TACC1: variants seen among roughly 807,000 people sequenced by gnomAD.
TACC1 encodes transforming acidic coiled-coil containing protein 1, also known as transforming acidic coiled-coil-containing protein 1.
In TACC1, 48 loss-of-function variants were observed where a neutral mutation model predicts 84.4. The observed-to-expected ratio is 0.57, with a 90% CI of 0.45 to 0.72. The LOEUF is 0.72. TACC1 is among the 30% of genes least tolerant of loss of function. TACC1 has a pLI of 0.00. For missense variants in TACC1, 920 were observed against 973.0 expected, an observed-to-expected ratio of 0.95 and a Z score of 0.72; for synonymous variants, 372 against 376.3, an observed-to-expected ratio of 0.99 and a Z score of 0.13.
chr8:38,844,078 C>T (rs974317208), intron 11 of TACC1, among the ~76,000 whole-genome samples: 4 of 152,168 alleles, frequency 2.6e-5, no homozygotes, highest in Admixed American at 1.3e-4. Flanking sequence ...AATAGGTCAA[C>T]GTTTTTATTT....
intron 5 of TACC1, among the ~76,000 whole-genome samples, chr8:38,829,981 T>C (rs1237993583): frequency 6.6e-6 from 1 of 152,044 alleles, no homozygotes; most frequent in Non-Finnish European, 1.5e-5. Flanking sequence ...CACACAGCCA[T>C]GGGAAGAAAG....
chr8:38,823,237 GT>G (rs1827270749), intron 3 of TACC1, among the ~76,000 whole-genome samples: 2 of 152,178 alleles, frequency 1.3e-5, no homozygotes, highest in Non-Finnish European at 2.9e-5. Context: ...GGAGTGAAAT[GT>G]CATTAGTAGC....
chr8:38,809,784 A>G (rs546731882), intron 2 of TACC1, among the ~76,000 whole-genome samples: 1 of 152,272 alleles, frequency 6.6e-6, no homozygotes, highest in African/African-American at 2.4e-5. Context: ...GAAGGAGGGG[A>G]AAAGGGCTTC....
rs12548912 is a variant in TACC1, at chr8:38,777,516, T to C, written c.27-11188T>C. ...TGGCCCAGGGGCCAGGCACAATAGC[T>C]CATGTCTATAATCCCACTGCTTCTG... is the stretch of plus-strand genomic sequence containing the variant. On this transcript the variant is annotated intron_variant, in intron 3 of 14. Transcript: ENST00000518415. 6.7e-3 allele frequency among the ~76,000 whole-genome samples: 1,021 copies of C among 152,224 alleles called. 41 individuals carry two copies. The highest frequency in any genetic ancestry group is 0.056 in the Admixed American group (854 of 15,288).
intron 3 of TACC1, among the ~76,000 whole-genome samples, chr8:38,760,860 A>G (rs563451365): frequency 1.0e-3 from 158 of 152,308 alleles, no homozygotes; most frequent in African/African-American, 3.5e-3. Flanking sequence ...TTAGTAACAC[A>G]ATGGCCAGCA....
At chr8:38,808,043 G>T (rs1823172223) in intron 2 of TACC1, among the ~76,000 whole-genome samples, 1 of 152,174 alleles carries the variant, frequency 6.6e-6, no homozygotes, top group African/African-American at 2.4e-5. Flanking sequence ...GGAAATTTTG[G>T]TCTATTTGTG....
chr8:38,787,087 A>C, upstream of TACC1: 1 of 959,656 alleles, frequency 1.0e-6, no homozygotes, highest in Non-Finnish European at 1.2e-6. Flanking sequence ...ACGCCGCGGT[A>C]GGGGGATCCG....
intron 2 of TACC1, chr8:38,744,187 G>A (rs1019099005): frequency 6.6e-6 from 1 of 152,130 alleles, no homozygotes; most frequent in African/African-American, 2.4e-5. Flanking sequence ...CAGCCAGCAG[G>A]GAAAAGAAAA....
intron 1 of TACC1, among the ~76,000 whole-genome samples, chr8:38,741,071 T>C (rs2151673950): frequency 6.6e-6 from 1 of 152,340 alleles, no homozygotes; most frequent in Middle Eastern, 3.4e-3. Flanking sequence ...CTTTGAATGT[T>C]TGCTTCTGTT....
At chr8:38,811,029 G>A (rs940531631) in intron 2 of TACC1, among the ~76,000 whole-genome samples, 1 of 152,006 alleles carries the variant, frequency 6.6e-6, no homozygotes, top group Non-Finnish European at 1.5e-5. Context: ...GAGGAGGGAG[G>A]AAAAGTTGAG....
At chr8:38,768,024 T>C (rs1812585363) in intron 3 of TACC1, among the ~76,000 whole-genome samples, 1 of 148,952 alleles carries the variant, frequency 6.7e-6, no homozygotes, top group African/African-American at 2.5e-5. Flanking sequence ...GATGAGATTG[T>C]GCCACTGCAC....
chr8:38,806,255 G>A (rs2152101980), intron 2 of TACC1, among the ~76,000 whole-genome samples: 1 of 152,296 alleles, frequency 6.6e-6, no homozygotes, highest in South Asian at 2.1e-4. Context: ...CCTGCTCTCA[G>A]TGGTGTGACA....
Position 38,787,313 on chromosome 8 carries a change from G to A in TACC1, c.-270G>A. 1 of 1,231,542 alleles carries A rather than the reference G, an allele frequency of 8.1e-7. No homozygotes were observed. The highest frequency in any genetic ancestry group is 4.6e-5 in the Admixed American group (1 of 21,614). 76.3% of individuals were successfully genotyped at this position (1,231,542 alleles called of 1,614,324 possible). A position where few individuals can be genotyped will look rare whatever the true frequency, so the allele number is the denominator to read the frequency against. ...GGGCCGGGGGCCTGAGGAGGCCACAGGACGGGCGTCTTCCCGGCTAGTGGA... is the reference window on the plus strand; with the variant it reads ...GGGCCGGGGGCCTGAGGAGGCCACAAGACGGGCGTCTTCCCGGCTAGTGGA... On this transcript the variant is annotated 5_prime_UTR_variant, in exon 1 of 13. Coordinates refer to ENST00000317827, the MANE Select transcript of TACC1 (RefSeq NM_006283.3).
rs572909484 is a variant in TACC1, at chr8:38,777,452, C to T, written c.27-11252C>T. Among the ~76,000 whole-genome samples the T allele has an allele frequency of 4.6e-5, 7 of 152,154 alleles. No homozygotes were observed. The East Asian group carries it at 7.7e-4, about 17-fold the overall frequency. ...GACACGCAGTTCACAACTTTTCGGC[C>T]GGGAGAGGCTGGACATGCAGTTTTC... On this transcript the variant is annotated intron_variant, in intron 3 of 14. Transcript: ENST00000518415.
At chr8:38,728,984 C>CCTTTT (rs549760217) in intron 1 of TACC1, among the ~76,000 whole-genome samples, 2 of 152,134 alleles carry the variant, frequency 1.3e-5, no homozygotes, top group Non-Finnish European at 1.5e-5. Flanking sequence ...TTTTCTCTTT[C>CCTTTT]CTTTTCTTTT....
At chr8:38,780,154 A>T (rs1815640881) in intron 3 of TACC1, among the ~76,000 whole-genome samples, 1 of 152,140 alleles carries the variant, frequency 6.6e-6, no homozygotes, top group Non-Finnish European at 1.5e-5. Flanking sequence ...CTTCCTACAG[A>T]GCTCTGATAG....
chr8:38,759,673 A>G (rs1033369445), intron 3 of TACC1, among the ~76,000 whole-genome samples: 4 of 152,250 alleles, frequency 2.6e-5, no homozygotes, highest in Non-Finnish European at 5.9e-5. Context: ...AAGTGAATAC[A>G]TGAAGCACAT....
intron 3 of TACC1, among the ~76,000 whole-genome samples, chr8:38,755,734 CA>C: frequency 7.5e-6 from 1 of 133,442 alleles, no homozygotes; most frequent in Admixed American, 7.1e-5. Context: ...ACAACAACAA[CA>C]ACAACAACAA....
intron 5 of TACC1, among the ~76,000 whole-genome samples, chr8:38,828,586 G>A (rs1207388822): frequency 6.6e-6 from 1 of 152,188 alleles, no homozygotes. Context: ...CTTGGTGTCT[G>A]TGTCTTTCAG....
Sources: gnomAD v4.1 joint callset for allele counts (sites outside exome capture counted in the v4.1 genomes callset) on GRCh38, gnomAD v4.1.1 for gene constraint, MANE v1.5 for transcripts, NCBI Gene and HGNC (gene_info 2026-07-23, HGNC 2026-07-21) for gene names.